The following KSR1 variants were observed in gnomAD, a reference collection of about 807,000 sequenced individuals.
The protein encoded by KSR1 is kinase suppressor of ras.
A neutral mutation model predicts 92.9 loss-of-function variants in KSR1; 35 were observed. That is an observed-to-expected ratio of 0.38 (90% CI 0.29 to 0.50). The LOEUF (loss-of-function observed/expected upper bound fraction) is 0.50, where lower values mean the gene tolerates loss of function less well. KSR1 is among the 20% of genes least tolerant of loss of function. The probability of loss-of-function intolerance (pLI) is 0.94; values close to 1 mark genes in which losing one functional copy is unlikely to be tolerated. For synonymous variants in KSR1, 467 were observed against 472.6 expected (o/e 0.99, Z 0.15); for missense variants, 972 against 1,158.5 (o/e 0.84, Z 2.34).
Position 27,607,992 on chromosome 17 carries a change from C to A in KSR1, c.2073C>A (p.Ile691=). 2 of 1,608,626 alleles carry A rather than the reference C, an allele frequency of 1.2e-6. No individual in the cohort carries two copies. Among genetic ancestry groups the A allele is most frequent in the East Asian group, 2.2e-5 (1 of 44,710 alleles). ...TGGACATCAACAAGACGAGGCAAAT[C>A]GCTCAGGAGATCATCAAGGTGAGGG... ...TSLDINKTRQ[I]AQEIIKGMGY... Residue 691 remains isoleucine, a synonymous_variant, in exon 15 of 21, where the codon ATC becomes ATA. Transcript: ENST00000644974.
chr17:27,621,681 C>T (rs564509552), intron 20 of KSR1, among the ~76,000 whole-genome samples: 95 of 152,286 alleles, frequency 6.2e-4, no homozygotes, highest in Admixed American at 3.3e-3. Flanking sequence ...CATGTTCCAT[C>T]CTCTTTATAA....
At chr17:27,524,698 T>G (rs1336494058) in intron 1 of KSR1, among the ~76,000 whole-genome samples, 1 of 152,210 alleles carries the variant, frequency 6.6e-6, no homozygotes, top group Non-Finnish European at 1.5e-5. Context: ...CCAGAGGAAG[T>G]AGGTCAAAAC....
intron 6 of KSR1, among the ~76,000 whole-genome samples, chr17:27,589,823 C>T (rs924879698): frequency 3.9e-5 from 6 of 152,148 alleles, no homozygotes; most frequent in Admixed American, 3.3e-4. Flanking sequence ...TACGTTGAAA[C>T]GTCAACAGAA....
rs148304446 is a variant in KSR1 at position 27,612,556 on chromosome 17, T to G, written c.2493+927T>G. On this transcript the variant is annotated intron_variant, in intron 18 of 20. Transcript: ENST00000644974. ...CCGATTTGTCAGAGTTTTCTTCACA[T>G]TTGTGACTCTCTTTTGATTCTGACA... 7 of 152,332 alleles carry G rather than the reference T, an allele frequency of 4.6e-5. No homozygotes were observed. The East Asian group carries it at 1.2e-3, about 25-fold the overall frequency. The allele number at this position is 152,332 out of a possible 1,614,324, so 9.4% of individuals were successfully genotyped here. A position where few individuals can be genotyped will look rare whatever the true frequency, so the allele number is the denominator to read the frequency against.
intron 1 of KSR1, chr17:27,527,052 T>G (rs1316446265): frequency 2.2e-6 from 1 of 458,992 alleles, no homozygotes. Flanking sequence ...GGCTGAGAGT[T>G]GCATTCGTGG....
At chr17:27,522,175 C>G (rs1441029449) in intron 1 of KSR1, among the ~76,000 whole-genome samples, 1 of 152,076 alleles carries the variant, frequency 6.6e-6, no homozygotes, top group African/African-American at 2.4e-5. Flanking sequence ...TCTCTCTGAG[C>G]CCCTGGGTTA....
At chr17:27,566,537 C>G in intron 2 of KSR1, 1 of 399,104 alleles carries the variant, frequency 2.5e-6, no homozygotes, top group Non-Finnish European at 4.4e-6. Context: ...CAAGAGAAGC[C>G]CGAGGCGTGA....
chr17:27,606,039 G>C (rs770750219), intron 14 of KSR1, among the ~76,000 whole-genome samples: 1 of 152,320 alleles, frequency 6.6e-6, no homozygotes, highest in East Asian at 1.9e-4. Flanking sequence ...CAACACTTTG[G>C]GAGGCCAAGG....
At chr17:27,542,831 T>A (rs1278592152) in intron 1 of KSR1, among the ~76,000 whole-genome samples, 2 of 152,226 alleles carry the variant, frequency 1.3e-5, no homozygotes, top group Non-Finnish European at 2.9e-5. Flanking sequence ...TCAGCAGTGC[T>A]ATGGGGCATG....
At chr17:27,512,215 G>T (rs73271940) in intron 1 of KSR1, among the ~76,000 whole-genome samples, 1 of 152,160 alleles carries the variant, frequency 6.6e-6, no homozygotes, top group South Asian at 2.1e-4. Context: ...GAGAAAATGT[G>T]TATATCCCAA....
At chr17:27,568,878 G>A (rs1000725479) in intron 2 of KSR1, among the ~76,000 whole-genome samples, 1 of 152,192 alleles carries the variant, frequency 6.6e-6, no homozygotes, top group Admixed American at 6.5e-5. Context: ...AAGGGCCTCT[G>A]ATCCCAGGCC....
Position 27,605,534 on chromosome 17 carries a change from G to A in KSR1, c.1715G>A (p.Arg572His), listed in dbSNP as rs764025244. ...CGGCCCTGGCGGGGCCCCATCTCTC[G>A]CAAGGCCAGCCAGACCAGCGTGTAC... Reference protein sequence around the residue: ...SRRPWRGPISRKASQTSVYLQ... With the variant: ...SRRPWRGPISHKASQTSVYLQ... The change falls in exon 14 of 21, where the codon CGC (arginine) becomes CAC (histidine). Residue 572 changes from arginine (R) to histidine (H), a missense_variant. Transcript: ENST00000644974. 80 of 1,595,160 alleles carry A rather than the reference G, an allele frequency of 5.0e-5. No homozygotes were observed. Among genetic ancestry groups the A allele is most frequent in the Non-Finnish European group, 6.1e-5 (71 of 1,171,878 alleles).
intron 10 of KSR1, 74 bp from the exon 11 acceptor site, chr17:27,601,286 G>T: frequency 3.0e-6 from 4 of 1,332,686 alleles, no homozygotes; most frequent in Non-Finnish European, 4.3e-6. Context: ...TCCCAAGCCG[G>T]TACCTGCAAT....
chr17:27,465,564 A>C (rs1277715557), intron 1 of KSR1: 6 of 152,196 alleles, frequency 3.9e-5, no homozygotes, highest in African/African-American at 7.2e-5. Context: ...ACCCGTGTTT[A>C]AAATTTTTAA....
intron 1 of KSR1, among the ~76,000 whole-genome samples, chr17:27,495,284 G>T (rs574068672): frequency 1.3e-5 from 2 of 152,266 alleles, no homozygotes; most frequent in South Asian, 2.1e-4. Context: ...GCACTTTCCT[G>T]GCCTTGTCCA....
At chr17:27,530,073 C>T (rs1254148307) in intron 1 of KSR1, among the ~76,000 whole-genome samples, 2 of 152,176 alleles carry the variant, frequency 1.3e-5, no homozygotes, top group African/African-American at 2.4e-5. Context: ...ATCCCACACC[C>T]GTCAGCAAAA....
At position 27,617,177 on chromosome 17, in the gene KSR1, G is replaced by A. The variant is rs897077363; in HGVS notation, c.2494-118G>A. ...CCTTCATGTCGGCAGGGTGTTCAGG[G>A]GGCCGCCAGTTAGAGGGCACTTGAG... is the stretch of plus-strand genomic sequence containing the variant. On this transcript the variant is annotated intron_variant, in intron 18 of 20. Coordinates refer to ENST00000644974, the MANE Select transcript of KSR1 (RefSeq NM_001394583.1). The A allele has an allele frequency of 5.3e-6, 6 of 1,128,250 alleles. No individual in the cohort carries two copies. The Admixed American group carries it at 8.8e-5, about 17-fold the overall frequency. The allele number at this position is 1,128,250 out of a possible 1,614,324, so 69.9% of individuals were successfully genotyped here. A position where few individuals can be genotyped will look rare whatever the true frequency, so the allele number is the denominator to read the frequency against.
At chr17:27,576,087 C>T (rs2072494076) in intron 2 of KSR1, among the ~76,000 whole-genome samples, 1 of 152,188 alleles carries the variant, frequency 6.6e-6, no homozygotes, top group African/African-American at 2.4e-5. Context: ...TCCCAGAGGC[C>T]ACCCCCATTC....
At position 27,559,859 on chromosome 17, in the gene KSR1, G is replaced by A. The variant is rs565506158; in HGVS notation, c.372+9151G>A. Among the ~76,000 whole-genome samples, 55 of 152,262 alleles carry A rather than the reference G, an allele frequency of 3.6e-4. No homozygotes were observed. The highest frequency in any genetic ancestry group is 6.2e-4 in the Non-Finnish European group (42 of 68,040). ...AGGAGTCTGTGAGGAGGCTGGCGGG[G>A]AGCCGGGGTGGATTCCTGCAGCTCT... On this transcript the variant is annotated intron_variant, in intron 2 of 20. Transcript: ENST00000644974. The surrounding 1 kb of genome is among the most constrained non-coding windows in gnomAD (Gnocchi z 4.2).
Sources: allele counts gnomAD v4.1 joint callset (sites outside exome capture counted in the v4.1 genomes callset), GRCh38; gene constraint gnomAD v4.1.1; non-coding constraint Gnocchi (gnomAD v3.1); transcripts MANE v1.5; gene names NCBI Gene and HGNC (gene_info 2026-07-23, HGNC 2026-07-21).